The following DPYSL4 variants were observed in gnomAD, a reference collection of about 807,000 sequenced individuals.
The protein encoded by DPYSL4 is dihydropyrimidinase-related protein 4.
A neutral mutation model predicts 63.4 loss-of-function variants in DPYSL4; 43 were observed. The ratio of observed to expected loss-of-function variants is 0.68; its 90% CI spans 0.53 to 0.88. The LOEUF (loss-of-function observed/expected upper bound fraction) is 0.88. DPYSL4 is among the 40% of genes least tolerant of loss of function. The probability of loss-of-function intolerance (pLI) is 0.00; values close to 1 mark genes in which losing one functional copy is unlikely to be tolerated. For missense variants in DPYSL4, 733 were observed against 819.5 expected, an observed-to-expected ratio of 0.89 and a Z score of 1.29; for synonymous variants, 353 against 331.7, an observed-to-expected ratio of 1.06 and a Z score of -0.70.
rs1565048663 is a variant in DPYSL4, at chr10:132,204,853, GACC to G, written c.1645_1647del (p.His549del). The G allele has an allele frequency of 5.6e-6, 9 of 1,611,162 alleles. No homozygotes were observed. The highest frequency in any genetic ancestry group is 5.1e-6 in the Non-Finnish European group (6 of 1,178,472). ...CCTTTCTTCAGGGTCTCAGGCTGAT[GACC>G]ACATCGCCCGACGCACAGCACAGAA... On this transcript the variant is annotated inframe_deletion, in exon 14 of 14. Coordinates refer to ENST00000338492, the MANE Select transcript of DPYSL4 (RefSeq NM_006426.3).
chr10:132,189,311 C>G (rs1251870448), intron 1 of DPYSL4, among the ~76,000 whole-genome samples: 2 of 151,082 alleles, frequency 1.3e-5, no homozygotes, highest in Non-Finnish European at 3.0e-5. Context: ...TCCTTTCACT[C>G]CTTTTTTGTG....
chr10:132,200,661 C>G (rs373858157), intron 9 of DPYSL4, 149 bp downstream of exon 9: 1 of 1,367,580 alleles, frequency 7.3e-7, no homozygotes, highest in Non-Finnish European at 9.8e-7. Flanking sequence ...TTGGTCCCAG[C>G]GGGGGCTCCC....
At chr10:132,202,851 G>A in intron 12 of DPYSL4, 26 bp downstream of exon 12, 1 of 1,560,956 alleles carries the variant, frequency 6.4e-7, no homozygotes, top group African/African-American at 1.4e-5. Context: ...CAAGGGTGTT[G>A]TGCAGGTAGG....
At chr10:132,200,048 C>T (rs1377254014) in intron 8 of DPYSL4, among the ~76,000 whole-genome samples, 1 of 152,192 alleles carries the variant, frequency 6.6e-6, no homozygotes, top group Admixed American at 6.5e-5. Context: ...CTGTGCCTCG[C>T]AGCCCACAGG....
At position 132,200,799 on chromosome 10, in the gene DPYSL4, G is replaced by A. The variant is rs200352667; in HGVS notation, c.969-43G>A. Reference sequence around the variant, plus strand: ...GGCTGGAGCTGACCTGGCCTCTGCCGGCTCAGGAAGGCCAGGACCCTCTGA... The same window carrying A: ...GGCTGGAGCTGACCTGGCCTCTGCCAGCTCAGGAAGGCCAGGACCCTCTGA... On this transcript the variant is annotated intron_variant, in intron 9 of 13. Transcript: ENST00000338492. The A allele has an allele frequency of 2.2e-4, 349 of 1,596,594 alleles. No homozygotes were observed. The African/African-American group carries it at 4.1e-3, about 19-fold the overall frequency.
At position 132,194,911 on chromosome 10, in the gene DPYSL4, C is replaced by T. The variant is rs767534507; in HGVS notation, c.380C>T (p.Ala127Val). Residue 127 changes from alanine to valine, a missense_variant, in exon 4 of 14, where the codon GCG becomes GTG. Coordinates refer to ENST00000338492, the MANE Select transcript of DPYSL4 (RefSeq NM_006426.3). ...LAAYEQWRER[A>V]DSAACCDYSL... Reference sequence around the variant, plus strand: ...GCCTACGAGCAGTGGCGGGAGCGGGCGGACAGCGCGGCCTGCTGCGACTAC... The same window carrying T: ...GCCTACGAGCAGTGGCGGGAGCGGGTGGACAGCGCGGCCTGCTGCGACTAC... 12 of 1,612,452 alleles carry T rather than the reference C, an allele frequency of 7.4e-6. No homozygotes were observed. The highest frequency in any genetic ancestry group is 2.2e-5 in the South Asian group (2 of 91,054).
chr10:132,203,762 C>A lies in DPYSL4; in HGVS notation c.1462C>A (p.Leu488Met). ...GTCTCTGCCCCCACCCCCCCGGCAGCTGGCGGAGATCCACGGTGTGCCCCG... is the reference window on the plus strand; with the variant it reads ...GTCTCTGCCCCCACCCCCCCGGCAGATGGCGGAGATCCACGGTGTGCCCCG... ...VYKRIKARNR[L>M]AEIHGVPRGL... The change falls in exon 13 of 14, where the codon CTG becomes ATG. Residue 488 changes from leucine to methionine, a missense_variant and splice_region_variant. By Grantham distance (15) the Leu-to-Met change is conservative. Transcript: ENST00000338492. The A allele has an allele frequency of 6.3e-7, 1 of 1,598,420 alleles. No homozygotes were observed. Among genetic ancestry groups the A allele is most frequent in the Non-Finnish European group, 8.6e-7 (1 of 1,169,194 alleles).
intron 4 of DPYSL4, among the ~76,000 whole-genome samples, chr10:132,195,786 C>T (rs2061935202): frequency 1.3e-5 from 2 of 152,246 alleles, no homozygotes; most frequent in Admixed American, 6.5e-5. Context: ...GGGCCTCACT[C>T]CAGGCAGCTG....
chr10:132,198,508 C>G, intron 7 of DPYSL4, 25 bp downstream of exon 7: 1 of 1,580,980 alleles, frequency 6.3e-7, no homozygotes. Context: ...CACCACAGCA[C>G]ACCCGAGCCA....
chr10:132,196,238 G>C (rs983403918), intron 4 of DPYSL4, among the ~76,000 whole-genome samples: 1 of 152,222 alleles, frequency 6.6e-6, no homozygotes, highest in Non-Finnish European at 1.5e-5. Flanking sequence ...TCCGAGTCCT[G>C]GGGGAGGTGG....
chr10:132,200,663 GGGGCTCCCCTGGCA>G, intron 9 of DPYSL4, 151 bp downstream of exon 9: 5 of 1,375,222 alleles, frequency 3.6e-6, no homozygotes, highest in Non-Finnish European at 4.9e-6. Context: ...GGTCCCAGCG[GGGGCTCCCCTGGCA>G]GGAACCAGTC....
At position 132,204,755 on chromosome 10, in the gene DPYSL4, G is replaced by A. The variant is rs2062072086; in HGVS notation, c.1628-84G>A. The A allele has an allele frequency of 5.6e-6, 7 of 1,245,962 alleles. No individual in the cohort carries two copies. The South Asian group carries it at 6.4e-5, about 11-fold the overall frequency. 77.2% of individuals were successfully genotyped at this position (1,245,962 alleles called of 1,614,324 possible). A position where few individuals can be genotyped will look rare whatever the true frequency, so the allele number is the denominator to read the frequency against. Reference sequence around the variant, plus strand: ...CTGCAGTCCTGGCCCCACTGACGCAGCCACTGACTCTGCCTCACGCCTTGA... The same window carrying A: ...CTGCAGTCCTGGCCCCACTGACGCAACCACTGACTCTGCCTCACGCCTTGA... On this transcript the variant is annotated intron_variant, in intron 13 of 13. Transcript: ENST00000338492.
At position 132,198,459 on chromosome 10, in the gene DPYSL4, C is replaced by T; in HGVS notation, c.666C>T (p.Gly222=). ...AGCTCGGCATCACTGGCCCCGAGGGCCACGTGCTCAGCCACCCCGAGGAGG... is the reference window on the plus strand; with the variant it reads ...AGCTCGGCATCACTGGCCCCGAGGGTCACGTGCTCAGCCACCCCGAGGAGG... The part of the protein sequence containing the change: ...LLELGITGPE[G]HVLSHPEEVE... Residue 222 remains glycine, a synonymous_variant, in exon 7 of 14, where the codon GGC becomes GGT. Coordinates refer to ENST00000338492, the MANE Select transcript of DPYSL4 (RefSeq NM_006426.3). 3 of 1,606,112 alleles carry T rather than the reference C, an allele frequency of 1.9e-6. No homozygotes were observed. Among genetic ancestry groups the T allele is most frequent in the Non-Finnish European group, 2.5e-6 (3 of 1,178,168 alleles).
intron 1 of DPYSL4, among the ~76,000 whole-genome samples, chr10:132,187,835 A>AT (rs2061825461): frequency 6.6e-6 from 1 of 152,154 alleles, no homozygotes. Context: ...TGCCAGAAAC[A>AT]AAGCCTCCCC....
At chr10:132,201,437 G>A (rs897987514) in intron 10 of DPYSL4, among the ~76,000 whole-genome samples, 16 of 152,186 alleles carry the variant, frequency 1.1e-4, no homozygotes, top group African/African-American at 2.4e-4. Flanking sequence ...AGACTGTCAC[G>A]TCCTTCAGGG....
At chr10:132,203,034 C>T (rs1407142878) in intron 12 of DPYSL4, among the ~76,000 whole-genome samples, 1 of 152,230 alleles carries the variant, frequency 6.6e-6, no homozygotes, top group Non-Finnish European at 1.5e-5. Flanking sequence ...GGCACTGGGA[C>T]CTTCAGGCCC....
intron 1 of DPYSL4, among the ~76,000 whole-genome samples, chr10:132,187,517 C>T (rs956399736): frequency 1.3e-5 from 2 of 152,028 alleles, no homozygotes; most frequent in Non-Finnish European, 2.9e-5. Context: ...CGGACGCGGC[C>T]CTTTGTTGGC....
At chr10:132,196,248 G>A (rs1429009253) in intron 4 of DPYSL4, among the ~76,000 whole-genome samples, 3 of 152,240 alleles carry the variant, frequency 2.0e-5, no homozygotes, top group African/African-American at 7.2e-5. Flanking sequence ...GGGGGAGGTG[G>A]ATGGGCTGTG....
Position 132,186,999 on chromosome 10 carries a change from C to CCCCCCCCCCCCCCCCCCCCCT in DPYSL4, c.-64_-63insCCCCCCCCCCCCCCCCCCCTC. ...CACGCGTCCCGGCTCACGCGTCCCCCCGCCCGCCCGCCCGCCCGCCCGCCC... is the reference window on the plus strand; with the variant it reads ...CACGCGTCCCGGCTCACGCGTCCCCCCCCCCCCCCCCCCCCCCCCCTCGCCCGCCCGCCCGCCCGCCCGCCC... On this transcript the variant is annotated 5_prime_UTR_variant, in exon 1 of 14. Transcript: ENST00000338492. 1 of 8,528 alleles carries CCCCCCCCCCCCCCCCCCCCCT rather than the reference C, an allele frequency of 1.2e-4. No homozygotes were observed. Among genetic ancestry groups the CCCCCCCCCCCCCCCCCCCCCT allele is most frequent in the Non-Finnish European group, 2.2e-4 (1 of 4,506 alleles). The allele number at this position is 8,528 out of a possible 1,614,324, so 0.5% of individuals were successfully genotyped here.
Sources: allele counts gnomAD v4.1 joint callset (sites outside exome capture counted in the v4.1 genomes callset), GRCh38; gene constraint gnomAD v4.1.1; transcripts MANE v1.5; gene names NCBI Gene and HGNC (gene_info 2026-07-23, HGNC 2026-07-21).